The following ZNF385D variants were observed in gnomAD, a reference collection of about 807,000 sequenced individuals.
ZNF385D encodes the protein zinc finger protein 659.
In ZNF385D, 15 loss-of-function variants were observed where a neutral mutation model predicts 35.8. The ratio of observed to expected loss-of-function variants is 0.42; its 90% CI spans 0.28 to 0.64. ZNF385D has a LOEUF of 0.64. ZNF385D is among the 30% of genes least tolerant of loss of function. The pLI is 0.23. For missense variants in ZNF385D, 474 were observed against 494.6 expected (o/e 0.96, Z 0.39); for synonymous variants, 212 against 186.8 (o/e 1.13, Z -1.10).
chr3:21,471,142 G>A (rs572998991), intron 4 of ZNF385D, among the ~76,000 whole-genome samples: 4 of 152,088 alleles, frequency 2.6e-5, no homozygotes, highest in East Asian at 1.9e-4. Flanking sequence ...TGTCATAGCC[G>A]GCGTTATGCC....
At chr3:21,997,238 T>A (rs996630429) in intron 3 of ZNF385D, among the ~76,000 whole-genome samples, 2 of 152,080 alleles carry the variant, frequency 1.3e-5, no homozygotes, top group African/African-American at 4.8e-5. Context: ...CTGAGCAAAC[T>A]ATTTCAAGGA....
At chr3:21,631,993 G>C (rs2065295109) in intron 2 of ZNF385D, among the ~76,000 whole-genome samples, 2 of 152,088 alleles carry the variant, frequency 1.3e-5, no homozygotes, top group African/African-American at 4.8e-5. Context: ...GGTATGATGT[G>C]TATATCTAGT....
intron 2 of ZNF385D, among the ~76,000 whole-genome samples, chr3:22,269,084 A>G (rs1414731660): frequency 6.6e-6 from 1 of 151,982 alleles, no homozygotes; most frequent in Non-Finnish European, 1.5e-5. Context: ...ATCAGTAAAT[A>G]AACAAATGAA....
At chr3:22,208,643 AT>A (rs1194597168) in intron 2 of ZNF385D, among the ~76,000 whole-genome samples, 1 of 151,782 alleles carries the variant, frequency 6.6e-6, no homozygotes, top group Non-Finnish European at 1.5e-5. Context: ...ATTACACATT[AT>A]TTGCCCATAT....
intron 2 of ZNF385D, among the ~76,000 whole-genome samples, chr3:22,180,930 T>TTTTTTTTTTTA (rs397951144): frequency 6.7e-6 from 1 of 149,476 alleles, no homozygotes; most frequent in Admixed American, 6.7e-5. Flanking sequence ...TTTTTTTTTT[T>TTTTTTTTTTTA]AAGAGACAGC....
chr3:22,079,073 G>A (rs896523673), intron 3 of ZNF385D, among the ~76,000 whole-genome samples: 6 of 151,962 alleles, frequency 3.9e-5, no homozygotes, highest in Admixed American at 1.3e-4. Flanking sequence ...ATCAAAGTTA[G>A]TCAAAAAATG....
At chr3:21,952,898 C>T (rs1014262840) in intron 3 of ZNF385D, among the ~76,000 whole-genome samples, 9 of 151,974 alleles carry the variant, frequency 5.9e-5, no homozygotes, top group Admixed American at 3.9e-4. Context: ...GCTAGTTACA[C>T]GAAAAATGTT....
intron 2 of ZNF385D, among the ~76,000 whole-genome samples, chr3:21,573,357 C>G (rs796411718): frequency 6.6e-6 from 1 of 152,042 alleles, no homozygotes; most frequent in Non-Finnish European, 1.5e-5. Context: ...TTTAAAATAA[C>G]AAGATTATGG....
At chr3:21,870,048 T>C (rs1160959340) in intron 3 of ZNF385D, among the ~76,000 whole-genome samples, 2 of 152,114 alleles carry the variant, frequency 1.3e-5, no homozygotes, top group Non-Finnish European at 2.9e-5. Flanking sequence ...AAAATCCTCA[T>C]TCTCATTGTT....
At chr3:22,186,742 A>G (rs945442015) in intron 2 of ZNF385D, among the ~76,000 whole-genome samples, 2 of 152,168 alleles carry the variant, frequency 1.3e-5, no homozygotes, top group East Asian at 3.8e-4. Flanking sequence ...AGACCCCAGT[A>G]TTCATAAAAT....
At chr3:21,843,917 T>C (rs549645310) in intron 3 of ZNF385D, among the ~76,000 whole-genome samples, 1 of 151,874 alleles carries the variant, frequency 6.6e-6, no homozygotes, top group South Asian at 2.1e-4. Flanking sequence ...GGAACAAAGT[T>C]GAAACAGACA....
At chr3:22,166,710 G>GA (rs1323775889) in intron 3 of ZNF385D, among the ~76,000 whole-genome samples, 1 of 152,210 alleles carries the variant, frequency 6.6e-6, no homozygotes, top group Non-Finnish European at 1.5e-5. Context: ...ATCGTGGTTT[G>GA]AAAATCTTTG....
At chr3:21,759,156 G>A (rs140145318) in intron 3 of ZNF385D, among the ~76,000 whole-genome samples, 3 of 151,976 alleles carry the variant, frequency 2.0e-5, no homozygotes, top group African/African-American at 7.3e-5. Context: ...ATTAACAAAT[G>A]AATACTCTAG....
At chr3:22,204,085 G>A (rs1478231951) in intron 2 of ZNF385D, among the ~76,000 whole-genome samples, 2 of 152,032 alleles carry the variant, frequency 1.3e-5, no homozygotes, top group African/African-American at 2.4e-5. Context: ...CAATGGTGGT[G>A]GCCACAGGGT....
chr3:21,533,638 C>G (rs1350080219), intron 3 of ZNF385D, among the ~76,000 whole-genome samples: 1 of 152,040 alleles, frequency 6.6e-6, no homozygotes, highest in Non-Finnish European at 1.5e-5. Flanking sequence ...GCATTTATTA[C>G]ACAAGATCTT....
intron 3 of ZNF385D, among the ~76,000 whole-genome samples, chr3:21,528,730 A>T (rs996174040): frequency 6.6e-6 from 1 of 152,204 alleles, no homozygotes; most frequent in Admixed American, 6.5e-5. Context: ...TGTATACAGC[A>T]GCCAGAGTTA....
chr3:21,550,096 A>G (rs2125593859), intron 3 of ZNF385D, among the ~76,000 whole-genome samples: 1 of 152,286 alleles, frequency 6.6e-6, no homozygotes, highest in East Asian at 1.9e-4. Flanking sequence ...TAAAAACGTA[A>G]TAGATGCAGT....
At chr3:22,272,850 T>A (rs1011251097) in intron 2 of ZNF385D, among the ~76,000 whole-genome samples, 1 of 152,046 alleles carries the variant, frequency 6.6e-6, no homozygotes, top group African/African-American at 2.4e-5. Flanking sequence ...TGCTAAAATG[T>A]AGTCTAAGTG....
intron 3 of ZNF385D, among the ~76,000 whole-genome samples, chr3:22,098,392 T>C (rs1021796972): frequency 1.3e-5 from 2 of 152,104 alleles, no homozygotes; most frequent in African/African-American, 4.8e-5. Flanking sequence ...AAATATTTTA[T>C]CAATTTAGTG....
Sources: gnomAD v4.1 joint callset for allele counts (sites outside exome capture counted in the v4.1 genomes callset) on GRCh38, gnomAD v4.1.1 for gene constraint, MANE v1.5 for transcripts, NCBI Gene and HGNC (gene_info 2026-07-23, HGNC 2026-07-21) for gene names.